Variants in PATJ observed in about 807,000 individuals in gnomAD.
The protein encoded by PATJ is inaD-like protein.
A neutral mutation model predicts 224.9 loss-of-function variants in PATJ; 190 were observed. The observed-to-expected ratio is 0.84, with a 90% confidence interval of 0.75 to 0.95. The LOEUF is 0.95. Ranked by LOEUF, PATJ falls within the 40% of genes least tolerant of loss-of-function variation. The probability of loss-of-function intolerance (pLI) is 0.00; values close to 1 mark genes in which losing one functional copy is unlikely to be tolerated. For missense variants in PATJ, 2,121 were observed against 2,270.3 expected, an observed-to-expected ratio of 0.93 and a Z score of 1.34; for synonymous variants, 769 against 820.3, an observed-to-expected ratio of 0.94 and a Z score of 1.07.
chr1:61,825,946 A>C (rs149176794), intron 15 of PATJ, among the ~76,000 whole-genome samples: 2 of 152,170 alleles, frequency 1.3e-5, no homozygotes, highest in Non-Finnish European at 2.9e-5. Flanking sequence ...AGTTGAAATC[A>C]TGGATACGGT....
chr1:61,752,909 G>A (rs1350816260), intron 1 of PATJ, among the ~76,000 whole-genome samples: 1 of 152,146 alleles, frequency 6.6e-6, no homozygotes, highest in East Asian at 1.9e-4. Context: ...TTATTTGGTA[G>A]GAACACAATG....
At chr1:62,101,840 T>A (rs1662216114) in intron 33 of PATJ, among the ~76,000 whole-genome samples, 1 of 152,146 alleles carries the variant, frequency 6.6e-6, no homozygotes. Flanking sequence ...TTTCACTGAT[T>A]ATGTTCTTCA....
chr1:61,927,912 G>A, intron 27 of PATJ, 83 bp downstream of exon 27: 2 of 967,706 alleles, frequency 2.1e-6, no homozygotes, highest in South Asian at 1.6e-5. Flanking sequence ...TCAAATATAT[G>A]GCTGTGAGTT....
intron 1 of PATJ, among the ~76,000 whole-genome samples, chr1:61,756,331 T>G (rs1645636961): frequency 6.6e-6 from 1 of 152,110 alleles, no homozygotes. Flanking sequence ...TGCACCTGTA[T>G]GCAGTGGTTC....
rs76414320 is a variant in PATJ at position 61,864,617 on chromosome 1, A to G, written c.2819A>G (p.Tyr940Cys). ...VYSQEAQPYG[Y>C]CPENVMKENF... ...TCCCAGGAGGCACAGCCGTATGGCT[A>G]TTGCCCTGAAAATGTGGTAAGAGAT... The change falls in exon 20 of 44, where the codon TAT becomes TGT. Residue 940 changes from tyrosine to cysteine, a missense_variant. By Grantham distance (194) the Tyr-to-Cys change is radical. Coordinates refer to ENST00000642238, the MANE Select transcript of PATJ (RefSeq NM_001350145.3). 2.0e-3 allele frequency: 3,161 copies of G among 1,592,446 alleles called. 64 individuals carry two copies. In the African/African-American group the frequency reaches 0.039, roughly 19 times the overall value.
intron 17 of PATJ, among the ~76,000 whole-genome samples, chr1:61,838,397 C>T (rs946242150): frequency 6.6e-6 from 1 of 151,654 alleles, no homozygotes; most frequent in Non-Finnish European, 1.5e-5. Flanking sequence ...CTCAGTCGCC[C>T]AGGCTGGAGT....
chr1:61,910,638 C>G (rs1672500892), intron 25 of PATJ, among the ~76,000 whole-genome samples: 1 of 143,672 alleles, frequency 7.0e-6, no homozygotes, highest in South Asian at 2.3e-4. Context: ...CCCCGATCTC[C>G]TTGGCTCAAG....
chr1:61,806,367 T>C (rs984148565), intron 13 of PATJ, among the ~76,000 whole-genome samples: 3 of 151,854 alleles, frequency 2.0e-5, no homozygotes, highest in African/African-American at 4.8e-5. Context: ...CGCCTGTAAT[T>C]CCAGCACTTT....
At chr1:61,828,145 A>T (rs549273678) in intron 16 of PATJ, among the ~76,000 whole-genome samples, 1 of 151,686 alleles carries the variant, frequency 6.6e-6, no homozygotes, top group Non-Finnish European at 1.5e-5. Flanking sequence ...TGGGAGGCTG[A>T]GGCAGGAAAA....
intron 26 of PATJ, among the ~76,000 whole-genome samples, chr1:61,918,970 A>T (rs565516020): frequency 1.5e-4 from 23 of 152,166 alleles, no homozygotes; most frequent in African/African-American, 5.5e-4. Flanking sequence ...AAAAATTTTT[A>T]AAAAGTAAAA....
At chr1:62,045,989 T>G (rs1652469365) in intron 30 of PATJ, among the ~76,000 whole-genome samples, 2 of 151,984 alleles carry the variant, frequency 1.3e-5, no homozygotes, top group Non-Finnish European at 2.9e-5. Context: ...GTGCTTGAGC[T>G]CAGGAATTCA....
At chr1:61,747,512 T>A (rs1445367530) in intron 1 of PATJ, among the ~76,000 whole-genome samples, 1 of 152,224 alleles carries the variant, frequency 6.6e-6, no homozygotes, top group South Asian at 2.1e-4. Context: ...GAAAAGAATG[T>A]TCAAGAATGT....
chr1:61,974,931 G>A (rs1362752147), intron 27 of PATJ, among the ~76,000 whole-genome samples: 1 of 151,662 alleles, frequency 6.6e-6, no homozygotes, highest in Admixed American at 6.6e-5. Context: ...ACTGTTGGTT[G>A]TTTTTTTGTT....
At chr1:62,030,649 A>G (rs967824820) in intron 29 of PATJ, among the ~76,000 whole-genome samples, 3 of 152,114 alleles carry the variant, frequency 2.0e-5, no homozygotes, top group Non-Finnish European at 4.4e-5. Context: ...TTCACCTCCA[A>G]AAGATTGCTG....
intron 18 of PATJ, among the ~76,000 whole-genome samples, chr1:61,861,244 A>G (rs1379187674): frequency 7.3e-6 from 1 of 136,710 alleles, no homozygotes; most frequent in Non-Finnish European, 1.5e-5. Context: ...TGGAAAGATG[A>G]GAATCTGAAG....
chr1:62,067,529 T>C (rs527880689), intron 31 of PATJ, among the ~76,000 whole-genome samples: 1 of 152,318 alleles, frequency 6.6e-6, no homozygotes, highest in African/African-American at 2.4e-5. Flanking sequence ...TTATCATCTT[T>C]GCTTTCAAGT....
intron 7 of PATJ, among the ~76,000 whole-genome samples, chr1:61,776,936 A>G (rs1051079190): frequency 9.2e-5 from 14 of 152,204 alleles, no homozygotes; most frequent in African/African-American, 2.6e-4. Flanking sequence ...CGTGTTAGCT[A>G]TGATGGTCTC....
intron 34 of PATJ, among the ~76,000 whole-genome samples, chr1:62,111,255 G>C (rs566683335): frequency 1.3e-5 from 2 of 152,286 alleles, no homozygotes; most frequent in South Asian, 4.1e-4. Flanking sequence ...AAGTGGTCTT[G>C]TGTGCCATCT....
In PATJ at chr1:61,827,539, G is replaced by A. The variant is rs1336906106; in HGVS notation, c.1936G>A (p.Val646Ile). 6.2e-7 allele frequency: 1 copy of A among 1,614,052 alleles called. No homozygotes were observed. Among genetic ancestry groups the A allele is most frequent in the Non-Finnish European group, 8.5e-7 (1 of 1,179,992 alleles). The change falls in exon 16 of 44, where the codon GTA (valine) becomes ATA (isoleucine). Residue 646 changes from valine (V) to isoleucine (I), a missense_variant. By Grantham distance (29) the Val-to-Ile change is conservative (BLOSUM62 3). Coordinates refer to ENST00000642238, the MANE Select transcript of PATJ (RefSeq NM_001350145.3). ...CRRLFDDEASVDEPRRTETSL... is the reference protein window; with the variant it reads ...CRRLFDDEASIDEPRRTETSL... Reference sequence around the variant, plus strand: ...GAGGTTGTTTGATGATGAAGCTTCTGTAGATGAACCAAGGCGCACTGAAAC... The same window carrying A: ...GAGGTTGTTTGATGATGAAGCTTCTATAGATGAACCAAGGCGCACTGAAAC...
Sources: gnomAD v4.1 joint callset for allele counts (sites outside exome capture counted in the v4.1 genomes callset) on GRCh38, gnomAD v4.1.1 for gene constraint, MANE v1.5 for transcripts, NCBI Gene and HGNC (gene_info 2026-07-23, HGNC 2026-07-21) for gene names.